TNS3: variants seen among roughly 807,000 people sequenced by gnomAD.
TNS3 encodes the protein tensin 3, also known as tensin-3.
Under a neutral mutation model 140.9 loss-of-function variants are expected in TNS3, and 45 were observed. That is an observed-to-expected ratio of 0.32 (90% CI 0.25 to 0.41). TNS3 has a LOEUF of 0.41. Ranked by LOEUF, TNS3 falls within the 10% of genes least tolerant of loss-of-function variation. The pLI is 1.00. For synonymous variants in TNS3, 815 were observed against 788.4 expected (o/e 1.03, Z -0.56); for missense variants, 1,716 against 1,906.7 (o/e 0.90, Z 1.86).
intron 1 of TNS3, among the ~76,000 whole-genome samples, chr7:47,564,221 A>T (rs1340821287): frequency 9.2e-5 from 14 of 151,696 alleles, no homozygotes; most frequent in Non-Finnish European, 1.6e-4. Context: ...AAACCATTTA[A>T]ATCAGTGGAC....
Position 47,566,795 on chromosome 7 carries a change from T to C in TNS3, c.-265+15256A>G, listed in dbSNP as rs569884610. On this transcript the variant is annotated intron_variant, in intron 1 of 30. Coordinates refer to ENST00000311160, the MANE Select transcript of TNS3 (RefSeq NM_022748.12). ...TAACTCATGCCTGTAATCCCAGCAC[T>C]TAGGGACACCCAGGCAGGTGGATCA... 2.6e-5 allele frequency among the ~76,000 whole-genome samples: 4 copies of C among 152,198 alleles called. No individual in the cohort carries two copies. In the South Asian group the frequency reaches 8.3e-4, roughly 32 times the overall value.
At chr7:47,519,175 A>G (rs1798879407) in intron 2 of TNS3, among the ~76,000 whole-genome samples, 1 of 151,786 alleles carries the variant, frequency 6.6e-6, no homozygotes, top group Non-Finnish European at 1.5e-5. Context: ...CATCCCTAAC[A>G]TTACTTACAT....
chr7:47,582,175 C>G (rs1349667941), upstream of TNS3: 1 of 150,760 alleles, frequency 6.6e-6, no homozygotes, highest in East Asian at 2.0e-4. Context: ...CCCCTCGAGG[C>G]GGCGCGGGCA....
chr7:47,361,595 G>T (rs1388896338), intron 17 of TNS3, among the ~76,000 whole-genome samples: 5 of 152,188 alleles, frequency 3.3e-5, no homozygotes. Context: ...ATCCTAAAGC[G>T]CTCTTCCAGC....
At chr7:47,468,241 G>A (rs1002993452) in intron 4 of TNS3, among the ~76,000 whole-genome samples, 2 of 152,092 alleles carry the variant, frequency 1.3e-5, no homozygotes, top group African/African-American at 4.8e-5. Flanking sequence ...AGGAGTTCGA[G>A]ACCAGCCTGG....
At chr7:47,536,762 G>A (rs1475121686) in intron 1 of TNS3, among the ~76,000 whole-genome samples, 1 of 152,170 alleles carries the variant, frequency 6.6e-6, no homozygotes, top group African/African-American at 2.4e-5. Context: ...CACCCACGAG[G>A]ACTCAGGCAC....
At chr7:47,462,098 G>A (rs1796513945) in intron 4 of TNS3, among the ~76,000 whole-genome samples, 1 of 152,162 alleles carries the variant, frequency 6.6e-6, no homozygotes, top group South Asian at 2.1e-4. Context: ...CTAAATGAAA[G>A]GTTCAGGATT....
intron 11 of TNS3, among the ~76,000 whole-genome samples, chr7:47,414,363 T>C (rs1793957051): frequency 1.3e-5 from 2 of 152,198 alleles, no homozygotes; most frequent in African/African-American, 2.4e-5. Flanking sequence ...AGCACCTGCA[T>C]GCGACTGGCG....
intron 20 of TNS3, among the ~76,000 whole-genome samples, chr7:47,315,076 G>A (rs1474195641): frequency 6.6e-6 from 1 of 152,240 alleles, no homozygotes; most frequent in Non-Finnish European, 1.5e-5. Context: ...TGTTTAGACC[G>A]TGTGCACGCC....
At chr7:47,543,886 G>A (rs75497123) in intron 1 of TNS3, among the ~76,000 whole-genome samples, 1 of 152,218 alleles carries the variant, frequency 6.6e-6, no homozygotes, top group African/African-American at 2.4e-5. Context: ...CAAACAGATG[G>A]TGACTTCTGA....
At position 47,506,934 on chromosome 7, in the gene TNS3, AT is replaced by A. The variant is rs1798438399; in HGVS notation, c.-143del. On this transcript the variant is annotated 5_prime_UTR_variant, in exon 3 of 31. An upstream open reading frame in the 5' UTR loses its in-frame stop. Coordinates refer to ENST00000311160, the MANE Select transcript of TNS3 (RefSeq NM_022748.12). ...TGGCTTCACATTTCTTGTGGCAGGA[AT>A]ACTTGCAGGCTGGGAAAAAAAAAAA... The A allele has an allele frequency of 7.8e-7, 1 of 1,289,034 alleles. No individual in the cohort carries two copies. Among genetic ancestry groups the A allele is most frequent in the Admixed American group, 2.3e-5 (1 of 43,490 alleles). 79.8% of individuals were successfully genotyped at this position (1,289,034 alleles called of 1,614,324 possible).
chr7:47,533,986 C>T (rs1484787322), intron 1 of TNS3, among the ~76,000 whole-genome samples: 1 of 152,092 alleles, frequency 6.6e-6, no homozygotes, highest in Non-Finnish European at 1.5e-5. Flanking sequence ...TAATAAAGAA[C>T]TTCATGGCCA....
chr7:47,356,543 A>T (rs1790003529), intron 17 of TNS3, among the ~76,000 whole-genome samples: 3 of 152,176 alleles, frequency 2.0e-5, no homozygotes, highest in Admixed American at 1.3e-4. Flanking sequence ...CATGCAAGAC[A>T]AAGTGTCCAA....
chr7:47,404,366 C>T (rs573643355), intron 13 of TNS3, among the ~76,000 whole-genome samples: 2 of 152,196 alleles, frequency 1.3e-5, no homozygotes, highest in African/African-American at 4.8e-5. Context: ...TAAATTAGCA[C>T]TACATATTAA....
At chr7:47,474,331 A>G (rs146613299) in intron 4 of TNS3, among the ~76,000 whole-genome samples, 84 of 150,896 alleles carry the variant, frequency 5.6e-4, no homozygotes, top group Middle Eastern at 3.4e-3. Context: ...AACCCACACA[A>G]CACACACAAA....
chr7:47,460,664 C>A (rs996663924), intron 4 of TNS3, among the ~76,000 whole-genome samples: 1 of 152,218 alleles, frequency 6.6e-6, no homozygotes, highest in African/African-American at 2.4e-5. Flanking sequence ...GGTGTGGGGC[C>A]GGAATGGCCC....
At position 47,369,529 on chromosome 7, in the gene TNS3, C is replaced by T; in HGVS notation, c.1117G>A (p.Ala373Thr). 2 of 1,613,610 alleles carry T rather than the reference C, an allele frequency of 1.2e-6. No individual in the cohort carries two copies. Among genetic ancestry groups the T allele is most frequent in the Non-Finnish European group, 1.7e-6 (2 of 1,179,820 alleles). The change falls in exon 17 of 31, where the codon GCA (alanine) becomes ACA (threonine). Residue 373 changes from alanine (A) to threonine (T), a missense_variant. By Grantham distance (58) the Ala-to-Thr change is moderately conservative. Coordinates refer to ENST00000311160, the MANE Select transcript of TNS3 (RefSeq NM_022748.12). ...TCTGGGCTGTTGGTGGCCGGGATTG[C>T]CTGGGGGCCACCTGGGATGCCAGGA... ...SDPGIPGGPQ[A>T]IPATNSPDHS...
intron 7 of TNS3, 63 bp from the exon 8 acceptor site, chr7:47,435,467 C>A: frequency 1.9e-6 from 3 of 1,601,808 alleles, no homozygotes; most frequent in Non-Finnish European, 2.5e-6. Flanking sequence ...GGCCATCTCA[C>A]AATGACTTCT....
At chr7:47,557,396 C>T (rs886287630) in intron 1 of TNS3, among the ~76,000 whole-genome samples, 1 of 152,208 alleles carries the variant, frequency 6.6e-6, no homozygotes, top group African/African-American at 2.4e-5. Flanking sequence ...TACTATTTAA[C>T]CCAACCCTCA....
Sources: allele counts gnomAD v4.1 joint callset (sites outside exome capture counted in the v4.1 genomes callset), GRCh38; gene constraint gnomAD v4.1.1; transcripts MANE v1.5; gene names NCBI Gene and HGNC (gene_info 2026-07-23, HGNC 2026-07-21).